Variants in TYW1 observed in about 807,000 individuals in gnomAD.
TYW1 encodes the protein S-adenosyl-L-methionine-dependent tRNA 4-demethylwyosine synthase TYW1.
A neutral mutation model predicts 96.2 loss-of-function variants in TYW1; 46 were observed. The observed-to-expected ratio is 0.48, with a 90% confidence interval of 0.38 to 0.61. The LOEUF is 0.61. TYW1 is among the 20% of genes least tolerant of loss of function. TYW1 has a pLI of 0.00. For synonymous variants in TYW1, 274 were observed against 323.0 expected, an observed-to-expected ratio of 0.85 and a Z score of 1.63; for missense variants, 684 against 909.6, an observed-to-expected ratio of 0.75 and a Z score of 3.19.
At chr7:67,121,476 G>A (rs1486856127) in intron 13 of TYW1, among the ~76,000 whole-genome samples, 1 of 152,178 alleles carries the variant, frequency 6.6e-6, no homozygotes, top group Non-Finnish European at 1.5e-5. Flanking sequence ...AGGAGGCGGA[G>A]GTTGTAGTGA....
intron 12 of TYW1, among the ~76,000 whole-genome samples, chr7:67,110,843 A>G (rs1797382830): frequency 6.6e-6 from 1 of 152,070 alleles, no homozygotes; most frequent in African/African-American, 2.4e-5. Flanking sequence ...TGTCTCTACA[A>G]AAAATTAAAA....
At chr7:67,150,957 G>A (rs1484666772) in intron 13 of TYW1, among the ~76,000 whole-genome samples, 1 of 152,182 alleles carries the variant, frequency 6.6e-6, no homozygotes, top group African/African-American at 2.4e-5. Flanking sequence ...TACCTATAGT[G>A]CACCCACGGT....
intron 11 of TYW1, among the ~76,000 whole-genome samples, chr7:67,094,808 G>A (rs1401722237): frequency 6.6e-6 from 1 of 151,738 alleles, no homozygotes; most frequent in Non-Finnish European, 1.5e-5. Flanking sequence ...GCCAACCTGG[G>A]GATTCATTCT....
chr7:67,113,649 T>C (rs1400779032), intron 12 of TYW1, among the ~76,000 whole-genome samples: 23 of 151,774 alleles, frequency 1.5e-4, no homozygotes, highest in Admixed American at 1.1e-3. Flanking sequence ...TTCTTTCTTT[T>C]TTTTTTTGAT....
At chr7:67,136,685 GTATA>G (rs1182173982) in intron 13 of TYW1, among the ~76,000 whole-genome samples, 19 of 122,308 alleles carry the variant, frequency 1.6e-4, no homozygotes, top group African/African-American at 5.7e-4. Flanking sequence ...GTGTGTGTGT[GTATA>G]TATATATATG....
intron 3 of TYW1, among the ~76,000 whole-genome samples, chr7:67,001,578 T>TG (rs1238392570): frequency 6.6e-6 from 1 of 151,580 alleles, no homozygotes; most frequent in African/African-American, 2.4e-5. Flanking sequence ...CCCACCACTA[T>TG]GCCCAGCTAG....
chr7:67,109,544 T>C (rs544871496), intron 12 of TYW1, among the ~76,000 whole-genome samples: 13 of 152,288 alleles, frequency 8.5e-5, no homozygotes, highest in Admixed American at 2.0e-4. Context: ...AGCTTTGTGA[T>C]GTTAACTTGT....
At chr7:66,998,384 C>T (rs12533697) in intron 2 of TYW1, among the ~76,000 whole-genome samples, 189 bp downstream of exon 2, 5,510 of 152,116 alleles carry the variant, frequency 0.036, 155 homozygotes, top group Middle Eastern at 0.1. Flanking sequence ...TTTACTTTTT[C>T]TTTGATAGGT....
intron 10 of TYW1, among the ~76,000 whole-genome samples, chr7:67,080,664 G>C (rs960247813): frequency 1.5e-4 from 23 of 152,144 alleles, no homozygotes; most frequent in African/African-American, 5.3e-4. Context: ...CTCCCAAAGT[G>C]ATGGGATTAC....
At chr7:67,181,796 G>T (rs1321255622) in intron 13 of TYW1, among the ~76,000 whole-genome samples, 2 of 151,690 alleles carry the variant, frequency 1.3e-5, no homozygotes, top group African/African-American at 4.8e-5. Flanking sequence ...CTACTCAAGG[G>T]GTGGGTCTCA....
At chr7:67,061,802 G>C (rs1237118219) in intron 9 of TYW1, among the ~76,000 whole-genome samples, 3 of 152,204 alleles carry the variant, frequency 2.0e-5, no homozygotes, top group Non-Finnish European at 4.4e-5. Flanking sequence ...GTTCACAAAA[G>C]TATGCTTTAC....
chr7:67,148,589 C>T (rs1189922110), intron 13 of TYW1, among the ~76,000 whole-genome samples: 1 of 151,920 alleles, frequency 6.6e-6, no homozygotes, highest in Non-Finnish European at 1.5e-5. Flanking sequence ...CCACGCCCGG[C>T]TAATTTTTTA....
chr7:67,137,104 C>T (rs55829112), intron 13 of TYW1, among the ~76,000 whole-genome samples: 40,400 of 149,344 alleles, frequency 0.27, 6,324 homozygotes, highest in African/African-American at 0.43. Context: ...TGAGCCACCG[C>T]GCCTGGCCTT....
chr7:67,054,113 A>G (rs931567419), intron 8 of TYW1, among the ~76,000 whole-genome samples: 5 of 151,996 alleles, frequency 3.3e-5, no homozygotes, highest in African/African-American at 1.2e-4. Flanking sequence ...TGTTTCATAT[A>G]TTTTGTCCAT....
intron 12 of TYW1, among the ~76,000 whole-genome samples, chr7:67,103,742 T>G (rs1031428698): frequency 6.6e-6 from 1 of 152,194 alleles, no homozygotes; most frequent in African/African-American, 2.4e-5. Flanking sequence ...ACAGAGGCCA[T>G]GTATTTTGGA....
intron 13 of TYW1, among the ~76,000 whole-genome samples, chr7:67,126,992 A>G (rs1797930582): frequency 6.6e-6 from 1 of 151,384 alleles, no homozygotes. Context: ...GTTAAATATG[A>G]TTCCATTTTC....
intron 13 of TYW1, among the ~76,000 whole-genome samples, chr7:67,147,875 T>C (rs1448806538): frequency 3.4e-5 from 5 of 146,934 alleles, no homozygotes; most frequent in African/African-American, 1.0e-4. Flanking sequence ...ATCTAAGAAA[T>C]AGCAAAATAA....
intron 7 of TYW1, among the ~76,000 whole-genome samples, chr7:67,045,007 G>A (rs1284218992): frequency 6.6e-6 from 1 of 152,122 alleles, no homozygotes; most frequent in East Asian, 1.9e-4. Flanking sequence ...TCTTTCCCAG[G>A]AGAAATGTAT....
chr7:67,139,938 A>C (rs1298567019), intron 13 of TYW1, among the ~76,000 whole-genome samples: 3 of 152,160 alleles, frequency 2.0e-5, no homozygotes, highest in Non-Finnish European at 4.4e-5. Context: ...GCTGCTGATA[A>C]AGACACACCC....
Sources: allele counts gnomAD v4.1 joint callset (sites outside exome capture counted in the v4.1 genomes callset), GRCh38; gene constraint gnomAD v4.1.1; transcripts MANE v1.5; gene names NCBI Gene and HGNC (gene_info 2026-07-23, HGNC 2026-07-21).